Variants in GLCE observed in about 807,000 individuals in gnomAD.
GLCE encodes the protein glucuronic acid epimerase.
GLCE carries 19 observed loss-of-function variants against 47.9 expected under a neutral mutation model. The ratio of observed to expected loss-of-function variants is 0.40; its 90% CI spans 0.28 to 0.58. The LOEUF (loss-of-function observed/expected upper bound fraction) is 0.58. GLCE is among the 20% of genes least tolerant of loss of function. GLCE has a pLI of 0.48. For missense variants in GLCE, 556 were observed against 743.3 expected, an observed-to-expected ratio of 0.75 and a Z score of 2.93; for synonymous variants, 245 against 263.4, an observed-to-expected ratio of 0.93 and a Z score of 0.68.
chr15:69,166,254 G>A (rs116457056), intron 1 of GLCE, among the ~76,000 whole-genome samples: 5,811 of 152,176 alleles, frequency 0.038, 398 homozygotes, highest in African/African-American at 0.13. Flanking sequence ...TTTGCTCAGC[G>A]TCATTATCTA....
chr15:69,235,909 C>T lies in GLCE; in HGVS notation c.-13-19885C>T, dbSNP rs548913356. ...ACAACAATCAAAATCTAGAACATTT[C>T]CATCGTCCTCAAAAGCCCCTCATCT... On this transcript the variant is annotated intron_variant, in intron 2 of 4. Coordinates refer to ENST00000261858, the MANE Select transcript of GLCE (RefSeq NM_015554.3). Among the ~76,000 whole-genome samples, 367 of 152,292 alleles carry T rather than the reference C, an allele frequency of 2.4e-3. 4 individuals are homozygous for T. Among genetic ancestry groups the T allele is most frequent in the African/African-American group, 8.6e-3 (358 of 41,570 alleles).
chr15:69,209,362 G>A (rs1198961463), intron 1 of GLCE, among the ~76,000 whole-genome samples: 4 of 151,986 alleles, frequency 2.6e-5, no homozygotes, highest in East Asian at 3.9e-4. Flanking sequence ...GTTAGGAGAC[G>A]TTGGGTCTTG....
intron 2 of GLCE, among the ~76,000 whole-genome samples, chr15:69,228,030 T>G (rs935898924): frequency 1.3e-5 from 2 of 152,238 alleles, no homozygotes; most frequent in African/African-American, 4.8e-5. Context: ...ATTTGACATT[T>G]AAGCCTACTC....
At chr15:69,163,660 T>G (rs1222770092) in intron 1 of GLCE, among the ~76,000 whole-genome samples, 3 of 152,250 alleles carry the variant, frequency 2.0e-5, no homozygotes, top group African/African-American at 7.2e-5. Context: ...TAACCATGTT[T>G]GGATTCTTCA....
intron 1 of GLCE, among the ~76,000 whole-genome samples, chr15:69,185,145 T>C (rs890234714): frequency 6.6e-6 from 1 of 152,216 alleles, no homozygotes; most frequent in African/African-American, 2.4e-5. Flanking sequence ...TACATTTTTA[T>C]AGTGAGTTAA....
chr15:69,210,113 A>G (rs1445752756), intron 1 of GLCE, among the ~76,000 whole-genome samples: 2 of 152,094 alleles, frequency 1.3e-5, no homozygotes, highest in African/African-American at 2.4e-5. Flanking sequence ...GGGGAAATAA[A>G]TGGTAAACCT....
intron 1 of GLCE, among the ~76,000 whole-genome samples, chr15:69,189,028 G>A (rs569916332): frequency 6.6e-6 from 1 of 152,062 alleles, no homozygotes; most frequent in Non-Finnish European, 1.5e-5. Context: ...CTACAGTGAT[G>A]TATCATTATC....
intron 2 of GLCE, among the ~76,000 whole-genome samples, chr15:69,219,306 T>C (rs956859740): frequency 6.6e-6 from 1 of 152,152 alleles, no homozygotes. Context: ...TGTTTCAGTA[T>C]ATATAAGCAG....
rs2053144606 is a variant in GLCE at position 69,270,066 on chromosome 15, G to T, written c.*822G>T. ...TGTATTTTATTTCAGACTATACCTTGGAGTTTTGTATATTTTGAGAGAGAT... is the reference window on the plus strand; with the variant it reads ...TGTATTTTATTTCAGACTATACCTTTGAGTTTTGTATATTTTGAGAGAGAT... On this transcript the variant is annotated 3_prime_UTR_variant, in exon 5 of 5. Transcript: ENST00000261858. The T allele has an allele frequency of 6.6e-6, 1 of 152,436 alleles. No homozygotes were observed. The highest frequency in any genetic ancestry group is 1.5e-5 in the Non-Finnish European group (1 of 67,998). 9.4% of individuals were successfully genotyped at this position (152,436 alleles called of 1,614,324 possible).
At chr15:69,191,980 T>G (rs1438220757) in intron 1 of GLCE, among the ~76,000 whole-genome samples, 2 of 152,148 alleles carry the variant, frequency 1.3e-5, no homozygotes, top group Non-Finnish European at 2.9e-5. Context: ...GTAATGTACC[T>G]TTTTACCTCT....
chr15:69,185,900 G>GT (rs2051815890), intron 1 of GLCE, among the ~76,000 whole-genome samples: 1 of 152,112 alleles, frequency 6.6e-6, no homozygotes, highest in Non-Finnish European at 1.5e-5. Context: ...TGACCAACTG[G>GT]TTTCAAGTTG....
chr15:69,185,390 A>G (rs959208530), intron 1 of GLCE, among the ~76,000 whole-genome samples: 2 of 152,142 alleles, frequency 1.3e-5, no homozygotes, highest in Admixed American at 6.6e-5. Context: ...AAACTTTAGT[A>G]ATTTGATTTG....
chr15:69,198,105 A>G (rs1170757153), intron 1 of GLCE, among the ~76,000 whole-genome samples: 1 of 152,016 alleles, frequency 6.6e-6, no homozygotes, highest in Non-Finnish European at 1.5e-5. Context: ...CCTCACATGT[A>G]TACTTTTTTC....
intron 2 of GLCE, among the ~76,000 whole-genome samples, chr15:69,211,084 G>C (rs1165632229): frequency 1.3e-5 from 2 of 152,070 alleles, no homozygotes; most frequent in East Asian, 3.8e-4. Flanking sequence ...TATATGTGCA[G>C]ATACAGGAAC....
At position 69,268,537 on chromosome 15, in the gene GLCE, T is replaced by A; in HGVS notation, c.1147T>A (p.Leu383Met). 1 of 1,614,010 alleles carries A rather than the reference T, an allele frequency of 6.2e-7. No homozygotes were observed. The highest frequency in any genetic ancestry group is 1.1e-5 in the South Asian group (1 of 91,076). The change falls in exon 5 of 5, where the codon TTG becomes ATG. Residue 383 changes from leucine (L) to methionine (M), a missense_variant. Around this residue, in one of 3 missense-constraint regions of GLCE, gnomAD observed 245 missense variants for 368.1 expected, o/e 0.67. Transcript: ENST00000261858. ...AATAATGCCCAAGAAGGTGGTTAGG[T>A]TGATTGCAAAAGGTAAGGGATTCCT... ...TKIMPKKVVR[L>M]IAKGKGFLDN...
chr15:69,178,038 C>T (rs2051696320), intron 1 of GLCE, among the ~76,000 whole-genome samples: 1 of 152,110 alleles, frequency 6.6e-6, no homozygotes, highest in Non-Finnish European at 1.5e-5. Flanking sequence ...GTTTTATTTA[C>T]AAATAAAGCT....
At chr15:69,204,622 T>C (rs1453289827) in intron 1 of GLCE, among the ~76,000 whole-genome samples, 1 of 152,130 alleles carries the variant, frequency 6.6e-6, no homozygotes, top group East Asian at 1.9e-4. Context: ...TATTATGCAA[T>C]GGAAGCAGAA....
At chr15:69,260,261 T>G (rs1595789222) in intron 3 of GLCE, among the ~76,000 whole-genome samples, 2 of 142,730 alleles carry the variant, frequency 1.4e-5, no homozygotes, top group African/African-American at 5.2e-5. Context: ...GGTTTTTTTT[T>G]TTTTTTTTTT....
At chr15:69,260,260 T>C (rs1005812833) in intron 3 of GLCE, among the ~76,000 whole-genome samples, 2 of 142,152 alleles carry the variant, frequency 1.4e-5, no homozygotes, top group Non-Finnish European at 3.1e-5. Flanking sequence ...TGGTTTTTTT[T>C]TTTTTTTTTT....
Sources: gnomAD v4.1 joint callset for allele counts (sites outside exome capture counted in the v4.1 genomes callset) on GRCh38, gnomAD v4.1.1 for gene constraint, gnomAD v4.1.1 regional missense constraint, MANE v1.5 for transcripts, NCBI Gene and HGNC (gene_info 2026-07-23, HGNC 2026-07-21) for gene names.